The following GALNT13 variants were observed in gnomAD, a reference collection of about 807,000 sequenced individuals.
The protein encoded by GALNT13 is UDP-GalNAc:polypeptide N-acetylgalactosaminyltransferase 13.
A neutral mutation model predicts 64.2 loss-of-function variants in GALNT13; 28 were observed. The ratio of observed to expected loss-of-function variants is 0.44; its 90% confidence interval spans 0.32 to 0.60. The LOEUF is 0.60. Among genes scored for constraint, GALNT13 ranks in the 20% least tolerant of loss-of-function variants. The pLI, the probability that GALNT13 is intolerant of heterozygous loss-of-function variation, is 0.05. For synonymous variants in GALNT13, 214 were observed against 224.6 expected, an observed-to-expected ratio of 0.95 and a Z score of 0.42; for missense variants, 577 against 669.8, an observed-to-expected ratio of 0.86 and a Z score of 1.53.
the GALNT13 span, among the ~76,000 whole-genome samples, chr2:153,532,571 C>T: frequency 6.6e-6 from 1 of 152,146 alleles, no homozygotes; most frequent in Non-Finnish European, 1.5e-5. Context: ...TATATTCCTC[C>T]CCTGAAAATG....
At chr2:153,209,584 A>T in the GALNT13 span, among the ~76,000 whole-genome samples, 1 of 152,136 alleles carries the variant, frequency 6.6e-6, no homozygotes, top group Non-Finnish European at 1.5e-5. Flanking sequence ...TAATTTTGAA[A>T]TCAGGTAAAA....
At chr2:153,434,904 C>G in the GALNT13 span, among the ~76,000 whole-genome samples, 2 of 152,090 alleles carry the variant, frequency 1.3e-5, no homozygotes, top group African/African-American at 4.8e-5. Flanking sequence ...AGTCCTTGCC[C>G]ATGCCTATGT....
the GALNT13 span, among the ~76,000 whole-genome samples, chr2:153,542,840 C>T: frequency 1.3e-5 from 2 of 152,222 alleles, no homozygotes; most frequent in East Asian, 3.9e-4. Context: ...GACTTCTACC[C>T]CATTGCTTGT....
chr2:153,625,830 G>A, the GALNT13 span, among the ~76,000 whole-genome samples: 28 of 152,086 alleles, frequency 1.8e-4, no homozygotes, highest in African/African-American at 6.5e-4. Context: ...AGATGTTGGA[G>A]GGCTGGTCAG....
chr2:154,258,249 A>G (rs1301272773), intron 7 of GALNT13, among the ~76,000 whole-genome samples: 1 of 152,188 alleles, frequency 6.6e-6, no homozygotes, highest in East Asian at 1.9e-4. Context: ...CAACTAATTA[A>G]TCTTTTAAAA....
intron 3 of GALNT13, among the ~76,000 whole-genome samples, chr2:153,980,691 T>G (rs1333801705): frequency 1.3e-5 from 2 of 152,260 alleles, no homozygotes; most frequent in Non-Finnish European, 2.9e-5. Context: ...CTTTAAAAAT[T>G]GAAAATTCTT....
the GALNT13 span, among the ~76,000 whole-genome samples, chr2:153,316,362 G>T: frequency 6.6e-6 from 1 of 151,968 alleles, no homozygotes; most frequent in Non-Finnish European, 1.5e-5. Context: ...ACTTGTACAG[G>T]CCTGGCATGG....
chr2:154,288,332 G>A (rs1018915040), intron 8 of GALNT13, among the ~76,000 whole-genome samples: 11 of 151,970 alleles, frequency 7.2e-5, no homozygotes, highest in Admixed American at 6.6e-4. Context: ...GATGAGATTT[G>A]GGTGGAGACA....
chr2:153,452,477 C>T, the GALNT13 span, among the ~76,000 whole-genome samples: 1 of 148,356 alleles, frequency 6.7e-6, no homozygotes, highest in East Asian at 2.0e-4. Flanking sequence ...GACTCTATCT[C>T]AAAAAAAAGA....
At chr2:153,916,772 TAC>T (rs34428951) in intron 2 of GALNT13, among the ~76,000 whole-genome samples, 12,102 of 152,272 alleles carry the variant, frequency 0.079, 641 homozygotes, top group Middle Eastern at 0.12. Context: ...AAATGACTAA[TAC>T]AGATTGATAG....
chr2:153,789,668 T>A, the GALNT13 span, among the ~76,000 whole-genome samples: 1 of 151,670 alleles, frequency 6.6e-6, no homozygotes, highest in South Asian at 2.1e-4. Context: ...TTTTGAAAAA[T>A]ATAATAGATA....
chr2:154,421,211 A>G (rs985747113), intron 11 of GALNT13, among the ~76,000 whole-genome samples: 1 of 152,096 alleles, frequency 6.6e-6, no homozygotes, highest in Non-Finnish European at 1.5e-5. Context: ...TATTTGATAT[A>G]TTTTATAGCA....
chr2:153,881,851 G>A (rs530046141), intron 1 of GALNT13, among the ~76,000 whole-genome samples: 22 of 152,230 alleles, frequency 1.4e-4, no homozygotes, highest in African/African-American at 5.3e-4. Context: ...TAAGGTCTGT[G>A]CAGATGGGCA....
At chr2:153,896,521 CTAAT>C in intron 1 of GALNT13, among the ~76,000 whole-genome samples, 1 of 151,996 alleles carries the variant, frequency 6.6e-6, no homozygotes, top group South Asian at 2.1e-4. Context: ...TCTCACTATA[CTAAT>C]TATTCAAAAA....
At chr2:153,756,401 A>C in the GALNT13 span, among the ~76,000 whole-genome samples, 1 of 152,156 alleles carries the variant, frequency 6.6e-6, no homozygotes, top group Non-Finnish European at 1.5e-5. Context: ...GAACCATTTA[A>C]AGGAGACAGA....
At chr2:153,487,446 T>A in the GALNT13 span, among the ~76,000 whole-genome samples, 1 of 152,202 alleles carries the variant, frequency 6.6e-6, no homozygotes, top group Non-Finnish European at 1.5e-5. Context: ...TTATGGCAAT[T>A]AATTAGTGTA....
At chr2:154,254,843 A>G (rs1318165649) in intron 7 of GALNT13, among the ~76,000 whole-genome samples, 1 of 152,156 alleles carries the variant, frequency 6.6e-6, no homozygotes, top group Non-Finnish European at 1.5e-5. Context: ...CATAAAGGTG[A>G]CAGTGAAAGG....
the GALNT13 span, among the ~76,000 whole-genome samples, chr2:153,139,459 A>C: frequency 2.6e-5 from 4 of 151,996 alleles, no homozygotes; most frequent in African/African-American, 4.8e-5. Flanking sequence ...AAGTGCACAG[A>C]GCTCTGGAAA....
the GALNT13 span, among the ~76,000 whole-genome samples, chr2:153,651,077 G>C: frequency 6.6e-6 from 1 of 152,032 alleles, no homozygotes; most frequent in African/African-American, 2.4e-5. Flanking sequence ...TTTACTGTAC[G>C]GCATTGTCCC....
Sources: gnomAD v4.1 joint callset for allele counts (sites outside exome capture counted in the v4.1 genomes callset) on GRCh38, gnomAD v4.1.1 for gene constraint, MANE v1.5 for transcripts, NCBI Gene and HGNC (gene_info 2026-07-23, HGNC 2026-07-21) for gene names.